The following IL10RB variants were observed in gnomAD, a reference collection of about 807,000 sequenced individuals.
The protein encoded by IL10RB is interleukin-10 receptor subunit beta.
IL10RB carries 30 observed loss-of-function variants against 38.7 expected under a neutral mutation model. The ratio of observed to expected loss-of-function variants is 0.78; its 90% CI spans 0.58 to 1.05. The LOEUF is 1.05. IL10RB is among the 50% of genes least tolerant of loss of function. The pLI is 0.00. For missense variants in IL10RB, 328 were observed against 397.1 expected, an observed-to-expected ratio of 0.83 and a Z score of 1.48; for synonymous variants, 142 against 145.9, an observed-to-expected ratio of 0.97 and a Z score of 0.19.
At chr21:33,284,694 C>T (rs774141211) in intron 5 of IL10RB, among the ~76,000 whole-genome samples, 3 of 152,084 alleles carry the variant, frequency 2.0e-5, no homozygotes, top group South Asian at 2.1e-4. Flanking sequence ...GCTGTCCTCC[C>T]GAGAGTGAGT....
intron 6 of IL10RB, among the ~76,000 whole-genome samples, chr21:33,291,407 A>C (rs1260244117): frequency 6.6e-6 from 1 of 152,008 alleles, no homozygotes; most frequent in Non-Finnish European, 1.5e-5. Context: ...CTGGGATTAC[A>C]GGTGCCCTCC....
intron 4 of IL10RB, among the ~76,000 whole-genome samples, chr21:33,282,841 T>G (rs1989304203): frequency 6.6e-6 from 1 of 152,118 alleles, no homozygotes; most frequent in Non-Finnish European, 1.5e-5. Context: ...TTATCTTTTT[T>G]AAAAAAGAAG....
At chr21:33,266,811 G>T (rs865893641) in intron 1 of IL10RB, among the ~76,000 whole-genome samples, 1 of 152,128 alleles carries the variant, frequency 6.6e-6, no homozygotes, top group Non-Finnish European at 1.5e-5. Context: ...CTGCTGGCGG[G>T]CGTCTAAATA....
chr21:33,266,522 G>T lies in IL10RB; in HGVS notation c.49+8G>T, dbSNP rs889875247. ...GCTGCCTGCTGGTGTCAGGTGAGGG[G>T]TCCGCGGGGAGGGGGCGCGCTTGGG... On this transcript the variant is annotated splice_region_variant and intron_variant, in intron 1 of 6. Transcript: ENST00000290200. 1.2e-5 allele frequency: 19 copies of T among 1,541,872 alleles called. No homozygotes were observed. In the African/African-American group the frequency reaches 2.5e-4, roughly 20 times the overall value.
Position 33,279,750 on chromosome 21 carries a change from A to G in IL10RB, c.332-2A>G. The G allele has an allele frequency of 6.2e-7, 1 of 1,613,306 alleles. No individual in the cohort carries two copies. Among genetic ancestry groups the G allele is most frequent in the Non-Finnish European group, 8.5e-7 (1 of 1,179,254 alleles). On this transcript the variant is annotated splice_acceptor_variant, in intron 3 of 6. Coordinates refer to ENST00000290200, the MANE Select transcript of IL10RB (RefSeq NM_000628.5). LOFTEE classifies it high-confidence loss of function. ...TGTCATTTTGCTTGTTCTTCTGCTT[A>G]GCCATTATTGGACCCCCTGGAATGC...
rs532636214 is a variant in IL10RB, at chr21:33,268,242, C to T, written c.50-152C>T. Reference sequence around the variant, plus strand: ...GGCTGTTCAAAGAAAATCTAGACTCCTCAGCACAGCCAACCTGTCTCTCCC... The same window carrying T: ...GGCTGTTCAAAGAAAATCTAGACTCTTCAGCACAGCCAACCTGTCTCTCCC... On this transcript the variant is annotated intron_variant, in intron 1 of 6. Transcript: ENST00000290200. 39 of 1,542,720 alleles carry T rather than the reference C, an allele frequency of 2.5e-5. No homozygotes were observed. The East Asian group carries it at 7.8e-4, about 31-fold the overall frequency.
chr21:33,294,390 C>CGTGT (rs34889428), intron 6 of IL10RB, among the ~76,000 whole-genome samples: 239 of 148,988 alleles, frequency 1.6e-3, no homozygotes, highest in East Asian at 0.01. Flanking sequence ...TGTGTGTGTG[C>CGTGT]GTGTGTGTGT....
downstream of IL10RB, among the ~76,000 whole-genome samples, chr21:33,300,985 C>A (rs76971460): frequency 6.2e-4 from 95 of 152,310 alleles, no homozygotes; most frequent in East Asian, 0.017. Flanking sequence ...TTGTTTTACC[C>A]TGACCAGTTC....
downstream of IL10RB, among the ~76,000 whole-genome samples, chr21:33,300,045 C>T (rs372935204): frequency 1.2e-4 from 18 of 152,178 alleles, no homozygotes; most frequent in African/African-American, 3.6e-4. Context: ...CACCACTGAC[C>T]ACCTGGGAAG....
intron 5 of IL10RB, among the ~76,000 whole-genome samples, chr21:33,287,790 G>A (rs940246581): frequency 6.6e-6 from 1 of 152,194 alleles, no homozygotes; most frequent in African/African-American, 2.4e-5. Flanking sequence ...CTGTGTCAAG[G>A]CAGAAGTGGT....
At chr21:33,293,131 G>A (rs1051626255) in intron 6 of IL10RB, among the ~76,000 whole-genome samples, 2 of 152,242 alleles carry the variant, frequency 1.3e-5, no homozygotes. Flanking sequence ...TATCACAGAT[G>A]TGGCAGGTCC....
At chr21:33,267,673 G>A (rs1029520191) in intron 1 of IL10RB, among the ~76,000 whole-genome samples, 7 of 151,602 alleles carry the variant, frequency 4.6e-5, no homozygotes, top group Non-Finnish European at 1.0e-4. Flanking sequence ...GTGCCACTAC[G>A]CCTGGCTAAT....
At chr21:33,305,822 A>AT (rs944246778) in intron 1 of IL10RB, among the ~76,000 whole-genome samples, 22 of 151,340 alleles carry the variant, frequency 1.5e-4, no homozygotes, top group African/African-American at 4.1e-4. Flanking sequence ...CTGCTGATGA[A>AT]TTTTTTTTTA....
intron 3 of IL10RB, among the ~76,000 whole-genome samples, chr21:33,278,663 G>C (rs1304562878): frequency 6.6e-6 from 1 of 152,184 alleles, no homozygotes; most frequent in South Asian, 2.1e-4. Flanking sequence ...CCAGGCTCTT[G>C]CTTCTGTGCT....
At chr21:33,277,677 T>C (rs1193067334) in intron 3 of IL10RB, among the ~76,000 whole-genome samples, 1 of 142,410 alleles carries the variant, frequency 7.0e-6, no homozygotes, top group Admixed American at 6.9e-5. Context: ...TCTTTTTTTT[T>C]TTTTTTTTTT....
intron 1 of IL10RB, chr21:33,308,646 AG>A (rs767264419): frequency 2.6e-5 from 4 of 152,248 alleles, no homozygotes; most frequent in African/African-American, 7.2e-5. Flanking sequence ...CAAAAAGAAT[AG>A]GGACTGTAGG....
Position 33,294,085 on chromosome 21 carries a change from G to A in IL10RB, c.805-2099G>A, listed in dbSNP as rs999260. On this transcript the variant is annotated intron_variant, in intron 6 of 6. Transcript: ENST00000290200. ...CCTGCTGGCATAAGCTCTCACCTCC[G>A]AGGCTAGAAGACTTTGCAGACTTGA... 0.2 allele frequency: 91,844 copies of A among 470,526 alleles called. 10,529 individuals carry two copies. Among genetic ancestry groups the A allele is most frequent in the East Asian group, 0.39 (5,578 of 14,384 alleles). The allele number at this position is 470,526 out of a possible 1,614,324, so 29.1% of individuals were successfully genotyped here.
At chr21:33,291,729 C>T (rs1989491576) in intron 6 of IL10RB, among the ~76,000 whole-genome samples, 1 of 152,188 alleles carries the variant, frequency 6.6e-6, no homozygotes, top group Non-Finnish European at 1.5e-5. Context: ...CACCACTGCC[C>T]CTTCCAGAGT....
intron 1 of IL10RB, among the ~76,000 whole-genome samples, chr21:33,303,896 T>C (rs73191846): frequency 0.25 from 37,677 of 152,104 alleles, 5,014 homozygotes; most frequent in Non-Finnish European, 0.28. Context: ...TAAGGAAGCC[T>C]GGTGTCTTCT....
Sources: allele counts gnomAD v4.1 joint callset (sites outside exome capture counted in the v4.1 genomes callset), GRCh38; gene constraint gnomAD v4.1.1; transcripts MANE v1.5; gene names NCBI Gene and HGNC (gene_info 2026-07-23, HGNC 2026-07-21).